The following STAB2 variants were observed in gnomAD, a reference collection of about 807,000 sequenced individuals.
STAB2 encodes stabilin 2, also known as stabilin-2.
Under a neutral mutation model 338.1 loss-of-function variants are expected in STAB2, and 288 were observed. The observed-to-expected ratio is 0.85, with a 90% confidence interval of 0.77 to 0.94. The LOEUF is 0.94. STAB2 is among the 40% of genes least tolerant of loss of function. STAB2 has a pLI of 0.00. For missense variants in STAB2, 3,141 were observed against 3,210.1 expected, an observed-to-expected ratio of 0.98 and a Z score of 0.52; for synonymous variants, 1,202 against 1,193.3, an observed-to-expected ratio of 1.01 and a Z score of -0.15.
At chr12:103,765,518 G>A (rs1479305351) in intron 68 of STAB2, among the ~76,000 whole-genome samples, 1 of 152,152 alleles carries the variant, frequency 6.6e-6, no homozygotes, top group African/African-American at 2.4e-5. Flanking sequence ...CAAAGCCTGG[G>A]TGCCAGTCAG....
chr12:103,704,836 AGACAG>A (rs1879198940), intron 36 of STAB2: 1 of 435,552 alleles, frequency 2.3e-6, no homozygotes. Flanking sequence ...ATGAATCAAC[AGACAG>A]GACAGAAATT....
At chr12:103,662,721 A>G (rs761183993) in intron 17 of STAB2, 125 bp from the exon 18 acceptor site, 38 of 1,121,980 alleles carry the variant, frequency 3.4e-5, no homozygotes, top group South Asian at 1.2e-4. Flanking sequence ...CTACCCTCCA[A>G]TGAAAAGTTA....
intron 49 of STAB2, among the ~76,000 whole-genome samples, chr12:103,730,936 G>C (rs1171671719): frequency 6.6e-6 from 1 of 152,130 alleles, no homozygotes; most frequent in Non-Finnish European, 1.5e-5. Flanking sequence ...TATAATCCCA[G>C]CTACTTGGGA....
At chr12:103,720,204 G>A (rs1202219025) in intron 44 of STAB2, among the ~76,000 whole-genome samples, 1 of 152,094 alleles carries the variant, frequency 6.6e-6, no homozygotes, top group Non-Finnish European at 1.5e-5. Context: ...ATTCTTCCAT[G>A]GGCCATTCAT....
intron 37 of STAB2, among the ~76,000 whole-genome samples, chr12:103,706,209 G>A (rs1879335295): frequency 6.6e-6 from 1 of 152,138 alleles, no homozygotes; most frequent in Non-Finnish European, 1.5e-5. Context: ...TGCCTAGCTG[G>A]GCAGAGGTGG....
intron 8 of STAB2, among the ~76,000 whole-genome samples, chr12:103,639,378 G>A (rs1957602068): frequency 6.6e-6 from 1 of 152,026 alleles, no homozygotes; most frequent in African/African-American, 2.4e-5. Context: ...TTGACCTCTG[G>A]TAGCACCGCC....
At chr12:103,739,240 G>T (rs1368986398) in intron 53 of STAB2, among the ~76,000 whole-genome samples, 172 bp from the exon 54 acceptor site, 1 of 151,840 alleles carries the variant, frequency 6.6e-6, no homozygotes, top group Non-Finnish European at 1.5e-5. Context: ...GCCTCCCAAA[G>T]TGCTAGGATT....
In STAB2 at chr12:103,666,284, C is replaced by T. The variant is rs899524460; in HGVS notation, c.2023-7C>T. ...CACCTGCACTGACCTCCTGTCTCTC[C>T]CTCCAGGGCACTTGTGTGAGCTGTT... On this transcript the variant is annotated splice_region_variant and splice_polypyrimidine_tract_variant and intron_variant, in intron 18 of 68. Coordinates refer to ENST00000388887, the MANE Select transcript of STAB2 (RefSeq NM_017564.10). 1.2e-6 allele frequency: 2 copies of T among 1,613,928 alleles called. No individual in the cohort carries two copies. Among genetic ancestry groups the T allele is most frequent in the Non-Finnish European group, 1.7e-6 (2 of 1,179,990 alleles).
chr12:103,763,985 T>TC (rs1225977631), intron 68 of STAB2, among the ~76,000 whole-genome samples: 1 of 151,002 alleles, frequency 6.6e-6, no homozygotes, highest in African/African-American at 2.4e-5. Context: ...CCTTTAGATG[T>TC]CCTTTTTTTT....
Position 103,740,629 on chromosome 12 carries a change from G to A in STAB2, c.5755-1G>A, listed in dbSNP as rs570260501. 2 of 1,611,694 alleles carry A rather than the reference G, an allele frequency of 1.2e-6. No homozygotes were observed. ...AGGGATGGTCCACTCTCTTCCCTTA[G>A]GGTGTGAAGCAGAAGTGTCTCTACA... On this transcript the variant is annotated splice_acceptor_variant, in intron 54 of 68. Transcript: ENST00000388887. LOFTEE classifies it high-confidence loss of function.
chr12:103,680,077 C>T (rs974099816), intron 25 of STAB2, among the ~76,000 whole-genome samples: 1 of 152,126 alleles, frequency 6.6e-6, no homozygotes, highest in Non-Finnish European at 1.5e-5. Flanking sequence ...CTAGAATAGT[C>T]AGGTTCATAG....
At chr12:103,664,268 C>T (rs1045313465) in intron 18 of STAB2, among the ~76,000 whole-genome samples, 43 of 152,106 alleles carry the variant, frequency 2.8e-4, no homozygotes, top group African/African-American at 1.0e-3. Context: ...CTCAGCCTCC[C>T]GAGTAGCTGG....
intron 11 of STAB2, among the ~76,000 whole-genome samples, chr12:103,651,217 C>G (rs1873715574): frequency 6.6e-6 from 1 of 152,054 alleles, no homozygotes; most frequent in East Asian, 1.9e-4. Context: ...TCTTCACTGG[C>G]CTCCATTTTA....
At chr12:103,687,776 GAGCCACTACTC>G (rs1877562931) in intron 27 of STAB2, among the ~76,000 whole-genome samples, 3 of 152,140 alleles carry the variant, frequency 2.0e-5, no homozygotes, top group Non-Finnish European at 1.5e-5. Flanking sequence ...CCATTGTTCT[GAGCCACTACTC>G]ACCAACGGCT....
chr12:103,760,254 T>TG (rs1201304409), intron 65 of STAB2, among the ~76,000 whole-genome samples: 2 of 152,060 alleles, frequency 1.3e-5, no homozygotes, highest in Admixed American at 6.6e-5. Flanking sequence ...CAATGGTGTG[T>TG]GGGGGGTGGT....
chr12:103,612,350 A>G (rs1006929017), intron 3 of STAB2, among the ~76,000 whole-genome samples: 3 of 152,222 alleles, frequency 2.0e-5, no homozygotes, highest in Non-Finnish European at 2.9e-5. Flanking sequence ...GTCTTTTCAC[A>G]TAGTCCCATA....
chr12:103,642,390 G>C (rs1872988086), intron 9 of STAB2, among the ~76,000 whole-genome samples: 1 of 152,176 alleles, frequency 6.6e-6, no homozygotes, highest in Non-Finnish European at 1.5e-5. Context: ...TTACATTCCA[G>C]TTGTGCAAAA....
chr12:103,692,620 CACGTGCACGT>C (rs1878041847), intron 30 of STAB2, among the ~76,000 whole-genome samples, 182 bp from the exon 31 acceptor site: 1 of 136,728 alleles, frequency 7.3e-6, no homozygotes, highest in Non-Finnish European at 1.7e-5. Context: ...TGTGCGTGTG[CACGTGCACGT>C]GTGTGAGAGA....
chr12:103,628,956 C>A (rs1272655417), intron 5 of STAB2, among the ~76,000 whole-genome samples: 4 of 152,218 alleles, frequency 2.6e-5, no homozygotes, highest in African/African-American at 9.6e-5. Flanking sequence ...GTTTCACTCT[C>A]CTCACCCTAA....
Sources: allele counts gnomAD v4.1 joint callset (sites outside exome capture counted in the v4.1 genomes callset), GRCh38; gene constraint gnomAD v4.1.1; transcripts MANE v1.5; gene names NCBI Gene and HGNC (gene_info 2026-07-23, HGNC 2026-07-21).